ZSCAN1: variants seen among roughly 807,000 people sequenced by gnomAD.
ZSCAN1 encodes zinc finger and SCAN domain containing 1, also known as zinc finger and SCAN domain-containing protein 1.
Under a neutral mutation model 23.8 loss-of-function variants are expected in ZSCAN1, and 23 were observed. The observed-to-expected ratio is 0.97, with a 90% confidence interval of 0.70 to 1.37. The LOEUF is 1.37. Ranked by LOEUF, ZSCAN1 falls within the 40% of genes most tolerant of loss-of-function variation. The pLI, the probability that ZSCAN1 is intolerant of heterozygous loss-of-function variation, is 0.00. For synonymous variants in ZSCAN1, 236 were observed against 232.3 expected (o/e 1.02, Z -0.15); for missense variants, 575 against 554.0 (o/e 1.04, Z -0.38).
At position 58,053,786 on chromosome 19, in the gene ZSCAN1, C is replaced by T. The variant is rs143175520; in HGVS notation, c.962C>T (p.Pro321Leu). The change falls in exon 6 of 6, where the codon CCG becomes CTG. Residue 321 changes from proline to leucine, a missense_variant. Pro to Leu is a moderately conservative substitution (Grantham distance 98). Coordinates refer to ENST00000282326, the MANE Select transcript of ZSCAN1 (RefSeq NM_182572.4). The surrounding 1 kb of genome is among the most constrained non-coding windows in gnomAD (Gnocchi z 5.8). ...ACCCATCGCGAGGAAGGGCCCTTTCCGTGCCCCGAGTGTGGCAAGGTCTTC... is the reference window on the plus strand; with the variant it reads ...ACCCATCGCGAGGAAGGGCCCTTTCTGTGCCCCGAGTGTGGCAAGGTCTTC... The part of the protein sequence containing the change: ...QKTHREEGPF[P>L]CPECGKVFLH... 1.3e-4 allele frequency: 216 copies of T among 1,614,126 alleles called. No homozygotes were observed. The highest frequency in any genetic ancestry group is 4.1e-4 in the South Asian group (37 of 91,072).
chr19:58,044,251 A>G (rs117826394), intron 4 of ZSCAN1, among the ~76,000 whole-genome samples: 8,779 of 152,030 alleles, frequency 0.058, 362 homozygotes, highest in Non-Finnish European at 0.085. Context: ...CAGCCCGAGC[A>G]ACAGGAGCGA....
downstream of ZSCAN1, among the ~76,000 whole-genome samples, chr19:58,054,942 G>A (rs2073882135): frequency 6.6e-6 from 1 of 152,090 alleles, no homozygotes; most frequent in African/African-American, 2.4e-5. The surrounding 1 kb of genome is among the most constrained non-coding windows in gnomAD (Gnocchi z 4.2). Context: ...TCCAAAGAGT[G>A]GGCCCGCCTC....
rs916156834 is a variant in ZSCAN1, at chr19:58,040,731, C to T, written c.465+187C>T. Among the ~76,000 whole-genome samples, 5 of 152,184 alleles carry T rather than the reference C, an allele frequency of 3.3e-5. No individual in the cohort carries two copies. Among genetic ancestry groups the T allele is most frequent in the Admixed American group, 1.3e-4 (2 of 15,284 alleles). On this transcript the variant is annotated intron_variant, in intron 4 of 5. Coordinates refer to ENST00000282326, the MANE Select transcript of ZSCAN1 (RefSeq NM_182572.4). This position sits in a 1 kb window ranked among gnomAD's most constrained non-coding sequence, Gnocchi z 5.8. The stretch of plus-strand genomic sequence containing the variant: ...AAGCTTCCTGGGGCTCAGTGCTGGG[C>T]GAGGGCAGTCAGTGCAGCTGTGTGT...
rs2073818536 is a variant in ZSCAN1 at position 58,045,382 on chromosome 19, CCAT to C, written c.465+4840_465+4842del. The C allele has an allele frequency of 1.1e-6, 1 of 869,858 alleles. No homozygotes were observed. Among genetic ancestry groups the C allele is most frequent in the Non-Finnish European group, 2.0e-6 (1 of 499,842 alleles). 53.9% of individuals were successfully genotyped at this position (869,858 alleles called of 1,614,324 possible). A position where few individuals can be genotyped will look rare whatever the true frequency, so the allele number is the denominator to read the frequency against. ...GAGCTAGCCGAGTTCCTCCAGGACA[CCAT>C]CCAGGAGATGGCCTTGAAGAACGAG... is the stretch of plus-strand genomic sequence containing the variant. On this transcript the variant is annotated intron_variant, in intron 4 of 5. Coordinates refer to ENST00000282326, the MANE Select transcript of ZSCAN1 (RefSeq NM_182572.4). This position sits in a 1 kb window ranked among gnomAD's most constrained non-coding sequence, Gnocchi z 4.3.
rs779431320 is a variant in ZSCAN1, at chr19:58,054,010, A to G, written c.1186A>G (p.Ile396Val). 1.9e-5 allele frequency: 29 copies of G among 1,555,354 alleles called. No homozygotes were observed. Among genetic ancestry groups the G allele is most frequent in the Non-Finnish European group, 2.2e-5 (25 of 1,151,006 alleles). Residue 396 changes from isoleucine (I) to valine (V), a missense_variant, in exon 6 of 6, where the codon ATT (isoleucine) becomes GTT (valine). Physicochemically the swap from Ile to Val is conservative, Grantham distance 29 (BLOSUM62 3). Coordinates refer to ENST00000282326, the MANE Select transcript of ZSCAN1 (RefSeq NM_182572.4). The surrounding 1 kb of genome is among the most constrained non-coding windows in gnomAD (Gnocchi z 4.2). The stretch of plus-strand genomic sequence containing the variant: ...GGCCTTCCCCTGGATGGTCCACCTC[A>G]TTGACCACCAGAAGCTCCACACGGC... ...GKAFPWMVHL[I>V]DHQKLHTAHG...
At chr19:58,051,672 C>T (rs1422809369) in intron 4 of ZSCAN1, among the ~76,000 whole-genome samples, 1 of 152,342 alleles carries the variant, frequency 6.6e-6, no homozygotes, top group Admixed American at 6.5e-5. Flanking sequence ...TTTGACTCAA[C>T]ATACCTCCTC....
intron 4 of ZSCAN1, among the ~76,000 whole-genome samples, chr19:58,050,729 C>G (rs1033610792): frequency 6.6e-6 from 1 of 152,074 alleles, no homozygotes; most frequent in African/African-American, 2.4e-5. Flanking sequence ...CCATGTTGGC[C>G]TAGATGGTCT....
Position 58,045,803 on chromosome 19 carries a change from C to G in ZSCAN1, c.465+5259C>G. ...CACCTGCATCAGGAGATCCCCACAT[C>G]GCTGCTCATCCTGTCCCGGACCATG... On this transcript the variant is annotated intron_variant, in intron 4 of 5. Transcript: ENST00000282326. This position sits in a 1 kb window ranked among gnomAD's most constrained non-coding sequence, Gnocchi z 4.3. The G allele has an allele frequency of 6.4e-7, 1 of 1,551,772 alleles. No individual in the cohort carries two copies. The highest frequency in any genetic ancestry group is 1.1e-5 in the South Asian group (1 of 89,460).
chr19:58,040,618 A>T lies in ZSCAN1; in HGVS notation c.465+74A>T. The T allele has an allele frequency of 6.8e-7, 1 of 1,461,148 alleles. No homozygotes were observed. The highest frequency in any genetic ancestry group is 1.1e-5 in the South Asian group (1 of 87,314). 90.5% of individuals were successfully genotyped at this position (1,461,148 alleles called of 1,614,324 possible). The stretch of plus-strand genomic sequence containing the variant: ...TGCCGCTTCTGGGACGGCCTCAAGG[A>T]TGCCCCATCCAAGGACTGTGTGAGG... On this transcript the variant is annotated intron_variant, in intron 4 of 5. Transcript: ENST00000282326. The surrounding 1 kb of genome is among the most constrained non-coding windows in gnomAD (Gnocchi z 5.8).
At chr19:58,048,823 T>G (rs1484106748) in intron 4 of ZSCAN1, among the ~76,000 whole-genome samples, 2 of 152,158 alleles carry the variant, frequency 1.3e-5, no homozygotes, top group East Asian at 1.9e-4. Flanking sequence ...AGCACAGTTA[T>G]AGCTCACTGC....
At chr19:58,048,251 C>A (rs2073838280) in intron 4 of ZSCAN1, among the ~76,000 whole-genome samples, 1 of 152,000 alleles carries the variant, frequency 6.6e-6, no homozygotes, top group Non-Finnish European at 1.5e-5. Context: ...TATGAATTCT[C>A]AAAAAAAATC....
chr19:58,053,194 T>C lies in ZSCAN1; in HGVS notation c.605-235T>C, dbSNP rs1019174786. The stretch of plus-strand genomic sequence containing the variant: ...GGCTGGTGTCTAACTCCTCACCTCA[T>C]GATCCACCTTCCTCGGCCTCCCAAA... On this transcript the variant is annotated intron_variant, in intron 5 of 5. Coordinates refer to ENST00000282326, the MANE Select transcript of ZSCAN1 (RefSeq NM_182572.4). The surrounding 1 kb of genome is among the most constrained non-coding windows in gnomAD (Gnocchi z 5.8). 6.6e-6 allele frequency among the ~76,000 whole-genome samples: 1 copy of C among 152,136 alleles called. No individual in the cohort carries two copies. The highest frequency in any genetic ancestry group is 1.5e-5 in the Non-Finnish European group (1 of 68,000).
chr19:58,037,118 C>G (rs1433900444), intron 2 of ZSCAN1, among the ~76,000 whole-genome samples: 1 of 152,130 alleles, frequency 6.6e-6, no homozygotes, highest in South Asian at 2.1e-4. Context: ...AAAGATAACA[C>G]CATGGGTAGA....
chr19:58,046,500 C>A, intron 4 of ZSCAN1: 2 of 901,042 alleles, frequency 2.2e-6, no homozygotes, highest in South Asian at 1.3e-5. Flanking sequence ...TGGGGGAGAA[C>A]GTCATCAGTG....
chr19:58,046,341 T>C, intron 4 of ZSCAN1: 2 of 922,454 alleles, frequency 2.2e-6, no homozygotes, highest in Non-Finnish European at 3.6e-6. Flanking sequence ...TTTCAAAGAC[T>C]GGTGAAGAAA....
At chr19:58,037,262 G>A (rs1169737519) in intron 2 of ZSCAN1, among the ~76,000 whole-genome samples, 3 of 152,178 alleles carry the variant, frequency 2.0e-5, no homozygotes, top group African/African-American at 7.2e-5. Context: ...CATGGGTAGA[G>A]AATCTTTACA....
intron 4 of ZSCAN1, chr19:58,044,922 C>G (rs1285677092): frequency 1.1e-6 from 1 of 892,746 alleles, no homozygotes; most frequent in East Asian, 2.5e-5. Context: ...ACTCTTCGCG[C>G]CCTGTTGGTG....
chr19:58,049,846 G>A lies in ZSCAN1; in HGVS notation c.466-2644G>A, dbSNP rs1290487473. Among the ~76,000 whole-genome samples the A allele has an allele frequency of 3.3e-5, 5 of 152,298 alleles. No homozygotes were observed. Among genetic ancestry groups the A allele is most frequent in the Admixed American group, 3.3e-4 (5 of 15,306 alleles). Reference sequence around the variant, plus strand: ...CCCCTGCTTTTCTTCTTTGTGCATAGCGATCTCCTGGCATCTCAGGTATGC... The same window carrying A: ...CCCCTGCTTTTCTTCTTTGTGCATAACGATCTCCTGGCATCTCAGGTATGC... On this transcript the variant is annotated intron_variant, in intron 4 of 5. Coordinates refer to ENST00000282326, the MANE Select transcript of ZSCAN1 (RefSeq NM_182572.4). The surrounding 1 kb of genome is among the most constrained non-coding windows in gnomAD (Gnocchi z 4.5).
intron 4 of ZSCAN1, among the ~76,000 whole-genome samples, chr19:58,043,801 T>C (rs74952361): frequency 0.021 from 3,138 of 152,100 alleles, 79 homozygotes; most frequent in African/African-American, 0.054. Context: ...AGGCACACAT[T>C]ACCGCACCGG....
Sources: gnomAD v4.1 joint callset for allele counts (sites outside exome capture counted in the v4.1 genomes callset) on GRCh38, gnomAD v4.1.1 for gene constraint, Gnocchi (gnomAD v3.1) non-coding constraint, MANE v1.5 for transcripts, NCBI Gene and HGNC (gene_info 2026-07-23, HGNC 2026-07-21) for gene names.